The following RBMS2 variants were observed in gnomAD, a reference collection of about 807,000 sequenced individuals.
RBMS2 encodes the protein RNA binding motif single stranded interacting protein 2.
RBMS2 carries 38 observed loss-of-function variants against 58.4 expected under a neutral mutation model. The ratio of observed to expected loss-of-function variants is 0.65; its 90% CI spans 0.50 to 0.85. The LOEUF (loss-of-function observed/expected upper bound fraction) is 0.85, where lower values mean the gene tolerates loss of function less well. Ranked by LOEUF, RBMS2 falls within the 40% of genes least tolerant of loss-of-function variation. The pLI is 0.00. For synonymous variants in RBMS2, 151 were observed against 180.7 expected (o/e 0.84, Z 1.32); for missense variants, 367 against 503.7 (o/e 0.73, Z 2.60).
At chr12:56,575,860 C>CTCCA (rs1041870326) in intron 5 of RBMS2, among the ~76,000 whole-genome samples, 3 of 151,374 alleles carry the variant, frequency 2.0e-5, no homozygotes, top group Admixed American at 2.0e-4. Flanking sequence ...CGCCATTGCA[C>CTCCA]TCCAGCCTGG....
intron 1 of RBMS2, among the ~76,000 whole-genome samples, chr12:56,554,674 C>T (rs1257663456): frequency 2.0e-5 from 3 of 152,128 alleles, no homozygotes; most frequent in Non-Finnish European, 4.4e-5. Context: ...GTGCAGCAAA[C>T]CACCATGGCA....
chr12:56,540,081 G>A (rs1339227441), intron 1 of RBMS2, among the ~76,000 whole-genome samples: 1 of 151,088 alleles, frequency 6.6e-6, no homozygotes, highest in Non-Finnish European at 1.5e-5. Flanking sequence ...TCTTTTTTTT[G>A]GTAGCCCATT....
intron 1 of RBMS2, among the ~76,000 whole-genome samples, chr12:56,552,834 C>G (rs1005802493): frequency 6.6e-6 from 1 of 151,446 alleles, no homozygotes; most frequent in Non-Finnish European, 1.5e-5. Flanking sequence ...AGTGCAAGAC[C>G]CTGTCTCAAA....
chr12:56,545,924 T>C (rs1003722401), intron 1 of RBMS2, among the ~76,000 whole-genome samples: 1 of 134,552 alleles, frequency 7.4e-6, no homozygotes, highest in African/African-American at 2.7e-5. Context: ...ATATGTTTTC[T>C]TCCCTTTCTT....
chr12:56,542,285 A>C (rs1876233344), intron 1 of RBMS2, among the ~76,000 whole-genome samples: 1 of 151,638 alleles, frequency 6.6e-6, no homozygotes, highest in Non-Finnish European at 1.5e-5. Context: ...GGCTGATGTC[A>C]AACTCCTGGG....
At chr12:56,526,505 T>C (rs961859566) in intron 1 of RBMS2, among the ~76,000 whole-genome samples, 2 of 151,882 alleles carry the variant, frequency 1.3e-5, no homozygotes, top group Non-Finnish European at 2.9e-5. Context: ...AAAGGCGGAC[T>C]TTTTTCTCAG....
In RBMS2 at chr12:56,588,360, A is replaced by G. The variant is rs913624656; in HGVS notation, c.1129A>G (p.Ser377Gly). 1 of 1,612,662 alleles carries G rather than the reference A, an allele frequency of 6.2e-7. No individual in the cohort carries two copies. The highest frequency in any genetic ancestry group is 1.7e-5 in the Admixed American group (1 of 59,992). ...CCAGTACACCCCTGTGCCTTCTTCC[A>G]GTGTTTCAGTCGAGGTAAGGGTGTT... ...ISQYTPVPSS[S>G]VSVEESSGQQ... Residue 377 changes from serine (S) to glycine (G), a missense_variant, in exon 12 of 14, where the codon AGT (serine) becomes GGT (glycine). Physicochemically the swap from Ser to Gly is moderately conservative, Grantham distance 56. Around this residue, in one of 3 missense-constraint regions of RBMS2, gnomAD observed 220 missense variants for 261.1 expected, o/e 0.84. Transcript: ENST00000262031.
chr12:56,532,322 C>A (rs1477623382), intron 1 of RBMS2, among the ~76,000 whole-genome samples: 1 of 152,088 alleles, frequency 6.6e-6, no homozygotes, highest in Non-Finnish European at 1.5e-5. Flanking sequence ...GCAGGCAGAT[C>A]ACCGGAGGTC....
intron 10 of RBMS2, 77 bp from the exon 11 acceptor site, chr12:56,587,477 C>A: frequency 6.8e-7 from 1 of 1,470,932 alleles, no homozygotes; most frequent in South Asian, 1.3e-5. Flanking sequence ...TCCAGTGGTC[C>A]TGACAGCCAC....
intron 9 of RBMS2, among the ~76,000 whole-genome samples, chr12:56,585,903 C>T (rs1407524636): frequency 2.0e-5 from 3 of 152,224 alleles, no homozygotes; most frequent in Non-Finnish European, 4.4e-5. Context: ...GTCATGCTGG[C>T]CTTGCACTGT....
At position 56,590,755 on chromosome 12, in the gene RBMS2, T is replaced by C. The variant is rs1484696646; in HGVS notation, c.*1622T>C. ...GAATGCACACATGTACTCAGAGGGA[T>C]TCAGGTGGGCATTGTTCTGGTGTGT... On this transcript the variant is annotated 3_prime_UTR_variant, in exon 14 of 14. Coordinates refer to ENST00000262031, the MANE Select transcript of RBMS2 (RefSeq NM_002898.4). The C allele has an allele frequency of 6.6e-6, 1 of 152,176 alleles. No individual in the cohort carries two copies. Among genetic ancestry groups the C allele is most frequent in the African/African-American group, 2.4e-5 (1 of 41,406 alleles). The allele number at this position is 152,176 out of a possible 1,614,324, so 9.4% of individuals were successfully genotyped here.
chr12:56,535,062 TTTC>T (rs1288402843), intron 1 of RBMS2, among the ~76,000 whole-genome samples: 1 of 152,156 alleles, frequency 6.6e-6, no homozygotes, highest in Non-Finnish European at 1.5e-5. Flanking sequence ...CTCTCCTGGT[TTTC>T]TTCTTATTTC....
chr12:56,539,938 G>T (rs2657903), intron 1 of RBMS2, among the ~76,000 whole-genome samples: 1 of 151,900 alleles, frequency 6.6e-6, no homozygotes, highest in African/African-American at 2.4e-5. Context: ...GCTTTTAACC[G>T]TGTGCTCCCT....
At chr12:56,558,038 C>CTTTTTTT (rs34784910) in intron 1 of RBMS2, among the ~76,000 whole-genome samples, 2 of 28,544 alleles carry the variant, frequency 7.0e-5, no homozygotes, top group African/African-American at 1.2e-4. Context: ...CTCGCCCGGG[C>CTTTTTTT]TTTTTTTTTT....
chr12:56,573,160 G>A, intron 5 of RBMS2: 1 of 983,692 alleles, frequency 1.0e-6, no homozygotes, highest in Non-Finnish European at 1.2e-6. Context: ...TACTCTGAGT[G>A]TTTCAGACCT....
intron 5 of RBMS2, among the ~76,000 whole-genome samples, chr12:56,578,734 G>A (rs1433727268): frequency 6.6e-6 from 1 of 152,014 alleles, no homozygotes; most frequent in Non-Finnish European, 1.5e-5. Flanking sequence ...GGAGGCCGAA[G>A]CAGGCAGATC....
At chr12:56,557,299 A>C (rs1302224722) in intron 1 of RBMS2, among the ~76,000 whole-genome samples, 1 of 152,182 alleles carries the variant, frequency 6.6e-6, no homozygotes, top group South Asian at 2.1e-4. Flanking sequence ...AAAGTGTTTT[A>C]GGAAGCCAGA....
intron 2 of RBMS2, among the ~76,000 whole-genome samples, chr12:56,565,355 C>T (rs1881157163): frequency 6.6e-6 from 1 of 151,808 alleles, no homozygotes; most frequent in Admixed American, 6.6e-5. Context: ...TAGTACCCAA[C>T]AGTTATTTTT....
At chr12:56,549,935 A>G (rs113814860) in intron 1 of RBMS2, among the ~76,000 whole-genome samples, 6,706 of 152,158 alleles carry the variant, frequency 0.044, 509 homozygotes, top group African/African-American at 0.15. Flanking sequence ...CTGAGGCAGG[A>G]GAATCGCTTG....
Sources: allele counts gnomAD v4.1 joint callset (sites outside exome capture counted in the v4.1 genomes callset), GRCh38; gene constraint gnomAD v4.1.1; regional missense constraint gnomAD v4.1.1; transcripts MANE v1.5; gene names NCBI Gene and HGNC (gene_info 2026-07-23, HGNC 2026-07-21).